Variants in CRY2 observed in about 807,000 individuals in gnomAD.
The protein encoded by CRY2 is cryptochrome-2.
In CRY2, 31 loss-of-function variants were observed where a neutral mutation model predicts 69.5. That is an observed-to-expected ratio of 0.45 (90% CI 0.34 to 0.60). The LOEUF (loss-of-function observed/expected upper bound fraction) is 0.60, where lower values mean the gene tolerates loss of function less well. Among genes scored for constraint, CRY2 ranks in the 20% least tolerant of loss-of-function variants. CRY2 has a pLI of 0.02. For missense variants in CRY2, 606 were observed against 797.8 expected (o/e 0.76, Z 2.90); for synonymous variants, 303 against 312.2 (o/e 0.97, Z 0.31).
At chr11:45,847,830 G>A (rs1179263408) in intron 1 of CRY2, 125 bp downstream of exon 1, 4 of 1,299,634 alleles carry the variant, frequency 3.1e-6, no homozygotes, top group Non-Finnish European at 4.1e-6. Flanking sequence ...AGCCGAGACC[G>A]GGGAAGTAAT....
At chr11:45,859,330 T>TTGAGAGGCCAAAG (rs6144333) in intron 3 of CRY2, among the ~76,000 whole-genome samples, 94,339 of 151,738 alleles carry the variant, frequency 0.62, 33,361 homozygotes, top group Non-Finnish European at 0.8. Context: ...TCCCAGCACT[T>TTGAGAGGCCAAAG]TGAGAGGATC....
At chr11:45,878,590 T>C (rs2086442071) in intron 11 of CRY2, among the ~76,000 whole-genome samples, 1 of 152,122 alleles carries the variant, frequency 6.6e-6, no homozygotes, top group African/African-American at 2.4e-5. Context: ...AGTACAAGCT[T>C]AAAGGGAAAA....
At chr11:45,870,584 T>C in intron 9 of CRY2, 52 bp downstream of exon 9, 2 of 1,594,412 alleles carry the variant, frequency 1.3e-6, no homozygotes, top group East Asian at 2.2e-5. Context: ...ACCTACAGGC[T>C]CAGGGGGCCA....
At position 45,866,493 on chromosome 11, in the gene CRY2, G is replaced by A. The variant is rs150563468; in HGVS notation, c.742-1119G>A. ...GGAATCAAGAGGATAAGACAGCACAGTTGGCAGGTATAGCGCTGCTGAGAG... is the reference window on the plus strand; with the variant it reads ...GGAATCAAGAGGATAAGACAGCACAATTGGCAGGTATAGCGCTGCTGAGAG... On this transcript the variant is annotated intron_variant, in intron 5 of 11. Coordinates refer to ENST00000616080, the MANE Select transcript of CRY2 (RefSeq NM_021117.5). 1.9e-4 allele frequency among the ~76,000 whole-genome samples: 29 copies of A among 152,344 alleles called. 1 individual carries two copies. Among genetic ancestry groups the A allele is most frequent in the African/African-American group, 7.0e-4 (29 of 41,566 alleles).
At chr11:45,871,542 G>A (rs573796485) in intron 10 of CRY2, among the ~76,000 whole-genome samples, 8 of 152,294 alleles carry the variant, frequency 5.3e-5, no homozygotes, top group Admixed American at 2.0e-4. Context: ...AGTGTAGGCC[G>A]GAGCGGGCAC....
intron 1 of CRY2, among the ~76,000 whole-genome samples, chr11:45,850,529 C>T (rs2086191141): frequency 6.6e-6 from 1 of 152,172 alleles, no homozygotes; most frequent in African/African-American, 2.4e-5. Flanking sequence ...CTACCACCTC[C>T]ACCATTCTGC....
At chr11:45,878,104 CATTGGTT>C (rs2086437882) in intron 11 of CRY2, among the ~76,000 whole-genome samples, 1 of 152,188 alleles carries the variant, frequency 6.6e-6, no homozygotes, top group South Asian at 2.1e-4. Context: ...TAAGCTTAGG[CATTGGTT>C]CTTAAACCCT....
chr11:45,873,319 C>G (rs866126102), intron 11 of CRY2, among the ~76,000 whole-genome samples: 48 of 152,230 alleles, frequency 3.2e-4, no homozygotes, highest in African/African-American at 1.1e-3. Context: ...GTTTGAGTGT[C>G]TGGATTTGTG....
intron 1 of CRY2, among the ~76,000 whole-genome samples, chr11:45,852,972 C>T (rs1311128762): frequency 6.6e-6 from 1 of 152,210 alleles, no homozygotes; most frequent in Non-Finnish European, 1.5e-5. Flanking sequence ...GTGTTGCTGG[C>T]CTTTGAGTTG....
Position 45,870,825 on chromosome 11 carries a change from CCT to C in CRY2, c.1550-15_1550-14del. The C allele has an allele frequency of 6.2e-7, 1 of 1,604,090 alleles. No homozygotes were observed. Among genetic ancestry groups the C allele is most frequent in the Non-Finnish European group, 8.5e-7 (1 of 1,171,612 alleles). ...CCTGCGAGACGGCACTCTGATTACT[CCT>C]CGCCTCTCTCCCAGGTCTACTGGCA... is the stretch of plus-strand genomic sequence containing the variant. On this transcript the variant is annotated splice_polypyrimidine_tract_variant and intron_variant, in intron 9 of 11. Coordinates refer to ENST00000616080, the MANE Select transcript of CRY2 (RefSeq NM_021117.5).
At chr11:45,865,098 A>G (rs960819094) in intron 5 of CRY2, among the ~76,000 whole-genome samples, 3 of 152,118 alleles carry the variant, frequency 2.0e-5, no homozygotes, top group Non-Finnish European at 2.9e-5. Context: ...CTAAATTGTA[A>G]TACCTAGGAA....
At chr11:45,847,309 C>T, upstream of CRY2, 5 of 1,573,480 alleles carry the variant, frequency 3.2e-6, no homozygotes, top group East Asian at 2.3e-5. Flanking sequence ...CGGGCCTGTT[C>T]CGGCGCCTCT....
At chr11:45,861,542 A>T (rs1232297582) in intron 4 of CRY2, 2 of 168,472 alleles carry the variant, frequency 1.2e-5, no homozygotes, top group South Asian at 3.0e-4. Flanking sequence ...CCCGGGTTCA[A>T]GCAATTCTGC....
Position 45,882,568 on chromosome 11 carries a change from A to G in CRY2, c.*1657A>G, listed in dbSNP as rs1003710340. 8.8e-5 allele frequency: 35 copies of G among 398,976 alleles called. No individual in the cohort carries two copies. The highest frequency in any genetic ancestry group is 6.8e-4 in the African/African-American group (33 of 48,628). 24.7% of individuals were successfully genotyped at this position (398,976 alleles called of 1,614,324 possible). A position where few individuals can be genotyped will look rare whatever the true frequency, so the allele number is the denominator to read the frequency against. ...TTTTCTCAGCCAGAGAGCTGCCTTT[A>G]GAGTCCAACTGTTGTACGTATGTCA... is the stretch of plus-strand genomic sequence containing the variant. On this transcript the variant is annotated 3_prime_UTR_variant, in exon 12 of 12. Coordinates refer to ENST00000616080, the MANE Select transcript of CRY2 (RefSeq NM_021117.5).
At chr11:45,861,952 C>T (rs2086291250) in intron 4 of CRY2, 108 bp from the exon 5 acceptor site, 7 of 936,054 alleles carry the variant, frequency 7.5e-6, no homozygotes, top group East Asian at 2.7e-5. Context: ...CCAGTAGCAC[C>T]GAGACACTGT....
At chr11:45,851,187 T>A (rs1029995248) in intron 1 of CRY2, among the ~76,000 whole-genome samples, 2 of 152,204 alleles carry the variant, frequency 1.3e-5, no homozygotes, top group East Asian at 3.8e-4. Flanking sequence ...ATGACCTCTG[T>A]GGTTTTTCAT....
In CRY2 at chr11:45,860,858, C is replaced by G. The variant is rs1176673219; in HGVS notation, c.478C>G (p.Leu160Val). Residue 160 changes from leucine to valine, a missense_variant, in exon 4 of 12, where the codon CTG (leucine) becomes GTG (valine). By Grantham distance (32) the Leu-to-Val change is conservative. Around this residue, in one of 5 missense-constraint regions of CRY2, gnomAD observed 382 missense variants for 508.9 expected, o/e 0.75. Coordinates refer to ENST00000616080, the MANE Select transcript of CRY2 (RefSeq NM_021117.5). The stretch of plus-strand genomic sequence containing the variant: ...CTTTGGGCTCCCCAGGATCATTGAG[C>G]TGAATGGGCAGAAGCCACCCCTTAC... ...TLYDLDRIIE[L>V]NGQKPPLTYK... 4 of 1,613,990 alleles carry G rather than the reference C, an allele frequency of 2.5e-6. No individual in the cohort carries two copies. Among genetic ancestry groups the G allele is most frequent in the Non-Finnish European group, 3.4e-6 (4 of 1,179,996 alleles).
At chr11:45,856,532 C>G (rs1289862428) in intron 2 of CRY2, among the ~76,000 whole-genome samples, 16 of 152,240 alleles carry the variant, frequency 1.1e-4, no homozygotes, top group Admixed American at 1.0e-3. Context: ...CGAGGTGGCT[C>G]ACGCCTGTAA....
chr11:45,873,217 G>A (rs925419247), intron 11 of CRY2, among the ~76,000 whole-genome samples: 7 of 152,148 alleles, frequency 4.6e-5, no homozygotes, highest in Admixed American at 2.0e-4. Flanking sequence ...CCATGTCTTC[G>A]TCATTAGATT....
Sources: gnomAD v4.1 joint callset for allele counts (sites outside exome capture counted in the v4.1 genomes callset) on GRCh38, gnomAD v4.1.1 for gene constraint, gnomAD v4.1.1 regional missense constraint, MANE v1.5 for transcripts, NCBI Gene and HGNC (gene_info 2026-07-23, HGNC 2026-07-21) for gene names.